SMPD2: variants seen among roughly 807,000 people sequenced by gnomAD.
SMPD2 encodes the protein N-SMase.
SMPD2 carries 35 observed loss-of-function variants against 41.7 expected under a neutral mutation model. That is an observed-to-expected ratio of 0.84 (90% confidence interval 0.64 to 1.11). The LOEUF (loss-of-function observed/expected upper bound fraction) is 1.11. SMPD2 is among the 50% of genes most tolerant of loss of function. The pLI, the probability that SMPD2 is intolerant of heterozygous loss-of-function variation, is 0.00. For synonymous variants in SMPD2, 201 were observed against 208.2 expected (o/e 0.97, Z 0.30); for missense variants, 520 against 524.8 (o/e 0.99, Z 0.09).
chr6:109,442,365 C>A, intron 5 of SMPD2, 66 bp downstream of exon 5: 1 of 1,489,214 alleles, frequency 6.7e-7, no homozygotes, highest in Non-Finnish European at 9.4e-7. Flanking sequence ...AGAGATGGTA[C>A]TTCTCTAGCT....
rs752803453 is a variant in SMPD2, at chr6:109,443,574, G to A, written c.941G>A (p.Gly314Asp). Residue 314 changes from glycine to aspartate, a missense_variant, in exon 10 of 10, where the codon GGT becomes GAT. By Grantham distance (94) the Gly-to-Asp change is moderately conservative. Transcript: ENST00000258052. ...CTAAAGGAGGCCTGGACGGAGCTGG[G>A]TCTGGGCATGGCTCAGGCTCGCTGG... ...CVLKEAWTEL[G>D]LGMAQARWWA... 6.2e-7 allele frequency: 1 copy of A among 1,613,988 alleles called. No individual in the cohort carries two copies. Among genetic ancestry groups the A allele is most frequent in the Non-Finnish European group, 8.5e-7 (1 of 1,180,018 alleles).
At chr6:109,441,932 TCTCC>T (rs773721891) in intron 3 of SMPD2, 38 bp from the exon 4 acceptor site, 2 of 1,552,698 alleles carry the variant, frequency 1.3e-6, no homozygotes, top group Non-Finnish European at 1.8e-6. Context: ...GCTGGGTGTC[TCTCC>T]CTGTTTTTCT....
Position 109,443,312 on chromosome 6 carries a change from A to G in SMPD2, c.775A>G (p.Thr259Ala). The G allele has an allele frequency of 6.2e-7, 1 of 1,614,088 alleles. No homozygotes were observed. The highest frequency in any genetic ancestry group is 2.2e-5 in the East Asian group (1 of 44,888). ...YISCKSFETT[T>A]GFDPHRGTPL... ...CTCCTGTAAGAGTTTTGAAACCACT[A>G]CAGGCTTTGACCCTCACAGGGGCAC... The change falls in exon 9 of 10, where the codon ACA becomes GCA. Residue 259 changes from threonine (T) to alanine (A), a missense_variant. Coordinates refer to ENST00000258052, the MANE Select transcript of SMPD2 (RefSeq NM_003080.3).
chr6:109,443,217 G>A, intron 8 of SMPD2, 50 bp from the exon 9 acceptor site: 1 of 1,604,348 alleles, frequency 6.2e-7, no homozygotes, highest in African/African-American at 1.3e-5. Context: ...CTGGTTCTCT[G>A]GGAAGAGGCC....
At chr6:109,442,424 T>C in intron 5 of SMPD2, 119 bp from the exon 6 acceptor site, 1 of 1,331,770 alleles carries the variant, frequency 7.5e-7, no homozygotes, top group Non-Finnish European at 1.1e-6. Context: ...AAGGAAGCAA[T>C]GGGCAAGGCT....
At position 109,441,351 on chromosome 6, in the gene SMPD2, C is replaced by T. The variant is rs202238018; in HGVS notation, c.51-6C>T. On this transcript the variant is annotated splice_region_variant and splice_polypyrimidine_tract_variant and intron_variant, in intron 1 of 9. Coordinates refer to ENST00000258052, the MANE Select transcript of SMPD2 (RefSeq NM_003080.3). ...GCCTCCCCTGCCCCGCTCTTCCCTT[C>T]CTTAGGGGCATTCCGTACTTGAGCA... is the stretch of plus-strand genomic sequence containing the variant. 287 of 1,613,306 alleles carry T rather than the reference C, an allele frequency of 1.8e-4. 1 individual carries two copies. In the African/African-American group the frequency reaches 3.1e-3, roughly 17 times the overall value.
At chr6:109,441,276 C>G (rs989288848) in intron 1 of SMPD2, 81 bp from the exon 2 acceptor site, 1 of 1,587,066 alleles carries the variant, frequency 6.3e-7, no homozygotes, top group African/African-American at 1.3e-5. Context: ...AGGGAAAACC[C>G]GAACCTCCAA....
chr6:109,443,059 G>A lies in SMPD2; in HGVS notation c.707G>A (p.Arg236His), dbSNP rs148979626. The A allele has an allele frequency of 1.1e-5, 18 of 1,613,776 alleles. No homozygotes were observed. The highest frequency in any genetic ancestry group is 8.0e-5 in the African/African-American group (6 of 74,914). The change falls in exon 8 of 10, where the codon CGC (arginine) becomes CAC (histidine). Residue 236 changes from arginine to histidine, a missense_variant. Physicochemically the swap from Arg to His is conservative, Grantham distance 29. Coordinates refer to ENST00000258052, the MANE Select transcript of SMPD2 (RefSeq NM_003080.3). Reference sequence around the variant, plus strand: ...CTGAAGCCATTTCCCTTTGGTGTCCGCATTGACTACGTGCTTTACAAGGTC... The same window carrying A: ...CTGAAGCCATTTCCCTTTGGTGTCCACATTGACTACGTGCTTTACAAGGTC... ...QELKPFPFGV[R>H]IDYVLYKAVS...
chr6:109,442,684 C>T (rs762380223), intron 6 of SMPD2, 59 bp downstream of exon 6: 1 of 1,614,150 alleles, frequency 6.2e-7, no homozygotes, highest in Non-Finnish European at 8.5e-7. Flanking sequence ...TGAGGGTGAA[C>T]AAGGCCCCAG....
chr6:109,441,710 TCTCCAGTCTC>T, intron 3 of SMPD2, 82 bp downstream of exon 3: 1 of 1,260,274 alleles, frequency 7.9e-7, no homozygotes, highest in Non-Finnish European at 1.2e-6. Context: ...CTGCCTGCAC[TCTCCAGTCTC>T]CTCCAGCCTC....
rs376841752 is a variant in SMPD2 at position 109,443,394 on chromosome 6, C to T, written c.857C>T (p.Pro286Leu). The T allele has an allele frequency of 1.2e-6, 2 of 1,614,026 alleles. No homozygotes were observed. The highest frequency in any genetic ancestry group is 2.2e-5 in the East Asian group (1 of 44,896). ...MATLFVRHSP[P>L]QQNPSSTHGP... is the part of the protein sequence containing the mutation. ...ACTCTGTTTGTGAGGCACAGCCCCC[C>T]ACAGCAGAACCCCAGCTCTACCCAC... The change falls in exon 9 of 10, where the codon CCA becomes CTA. Residue 286 changes from proline to leucine, a missense_variant. Pro to Leu is a moderately conservative substitution (Grantham distance 98, BLOSUM62 -3). Transcript: ENST00000258052.
intron 3 of SMPD2, 74 bp downstream of exon 3, chr6:109,441,702 G>C (rs1285608487): frequency 1.5e-6 from 2 of 1,358,838 alleles, no homozygotes; most frequent in Non-Finnish European, 2.1e-6. Flanking sequence ...TCCCTATCCT[G>C]CCTGCACTCT....
At chr6:109,442,685 A>G in intron 6 of SMPD2, 60 bp downstream of exon 6, 1 of 1,614,148 alleles carries the variant, frequency 6.2e-7, no homozygotes, top group Non-Finnish European at 8.5e-7. Flanking sequence ...GAGGGTGAAC[A>G]AGGCCCCAGT....
In SMPD2 at chr6:109,443,550, T is replaced by C; in HGVS notation, c.917T>C (p.Leu306Pro). Reference sequence around the variant, plus strand: ...GAGAGGTCGCCGTTGATGTGTGTGCTAAAGGAGGCCTGGACGGAGCTGGGT... The same window carrying C: ...GAGAGGTCGCCGTTGATGTGTGTGCCAAAGGAGGCCTGGACGGAGCTGGGT... ...PAERSPLMCVLKEAWTELGLG... is the reference protein window; with the variant it reads ...PAERSPLMCVPKEAWTELGLG... Residue 306 changes from leucine to proline, a missense_variant, in exon 10 of 10, where the codon CTA becomes CCA. By Grantham distance (98) the Leu-to-Pro change is moderately conservative. Coordinates refer to ENST00000258052, the MANE Select transcript of SMPD2 (RefSeq NM_003080.3). 3 of 1,613,554 alleles carry C rather than the reference T, an allele frequency of 1.9e-6. No individual in the cohort carries two copies. Among genetic ancestry groups the C allele is most frequent in the Admixed American group, 1.7e-5 (1 of 60,008 alleles).
At chr6:109,441,225 C>T (rs1205521453) in intron 1 of SMPD2, 54 bp downstream of exon 1, 54 of 1,604,442 alleles carry the variant, frequency 3.4e-5, no homozygotes, top group Non-Finnish European at 4.5e-5. Context: ...CGCACCCATG[C>T]AGCCTTCCTC....
At position 109,441,593 on chromosome 6, in the gene SMPD2, GT is replaced by G; in HGVS notation, c.190del (p.Ser64HisfsTer43). 1.2e-6 allele frequency: 2 copies of G among 1,614,216 alleles called. No homozygotes were observed. The highest frequency in any genetic ancestry group is 2.2e-5 in the South Asian group (2 of 91,092). On this transcript the variant is annotated frameshift_variant, in exon 3 of 10. Transcript: ENST00000258052. LOFTEE classifies it high-confidence loss of function. ...ACTTCCAGTACCTGAGACAGAAGCTGTCACCTACCTACCCAGCTGCACACCA... is the reference window on the plus strand; with the variant it reads ...ACTTCCAGTACCTGAGACAGAAGCTGCACCTACCTACCCAGCTGCACACCA... ...QDFQYLRQKL[S>X]PTYPAAHHFR...
Position 109,440,918 on chromosome 6 carries a change from C to A in SMPD2, c.-204C>A. The A allele has an allele frequency of 3.4e-6, 2 of 582,344 alleles. No homozygotes were observed. The highest frequency in any genetic ancestry group is 5.9e-6 in the Non-Finnish European group (2 of 341,226). 36.1% of individuals were successfully genotyped at this position (582,344 alleles called of 1,614,324 possible). On this transcript the variant is annotated 5_prime_UTR_variant, in exon 1 of 10. Coordinates refer to ENST00000258052, the MANE Select transcript of SMPD2 (RefSeq NM_003080.3). ...GGATCGCCTTTCCGGGTTGGCGGCCCGCCTGATTGGGAACAGCCGGCCGGT... is the reference window on the plus strand; with the variant it reads ...GGATCGCCTTTCCGGGTTGGCGGCCAGCCTGATTGGGAACAGCCGGCCGGT...
rs1448595279 is a variant in SMPD2, at chr6:109,443,721, G to T, written c.1088G>T (p.Gly363Val). The change falls in exon 10 of 10, where the codon GGG (glycine) becomes GTG (valine). Residue 363 changes from glycine (G) to valine (V), a missense_variant. Gly to Val is a moderately radical substitution (Grantham distance 109). Transcript: ENST00000258052. ...ATACTGCTCTGGACCCCCAGTGTAGGGCTGGTGCTGTGGGCAGGTGCATTC... is the reference window on the plus strand; with the variant it reads ...ATACTGCTCTGGACCCCCAGTGTAGTGCTGGTGCTGTGGGCAGGTGCATTC... ...AAILLWTPSV[G>V]LVLWAGAFYL... The T allele has an allele frequency of 1.2e-6, 2 of 1,613,892 alleles. No individual in the cohort carries two copies. The highest frequency in any genetic ancestry group is 1.3e-5 in the African/African-American group (1 of 74,966).
chr6:109,441,442 T>G lies in SMPD2; in HGVS notation c.136T>G (p.Leu46Val). 1.2e-6 allele frequency: 2 copies of G among 1,614,088 alleles called. No homozygotes were observed. Residue 46 changes from leucine to valine, a missense_variant, in exon 2 of 10, where the codon TTG (leucine) becomes GTG (valine). Coordinates refer to ENST00000258052, the MANE Select transcript of SMPD2 (RefSeq NM_003080.3). ...GAACCAGGAGAGCTTCGACCTGGCT[T>G]TGCTGGAGGAGGTGAGATTGTGCAG... ...FLNQESFDLA[L>V]LEEVWSEQDF...
Sources: gnomAD v4.1 joint callset for allele counts on GRCh38, gnomAD v4.1.1 for gene constraint, MANE v1.5 for transcripts, NCBI Gene and HGNC (gene_info 2026-07-23, HGNC 2026-07-21) for gene names.